Variants in CHL1 observed in about 807,000 individuals in gnomAD.
The protein encoded by CHL1 is cell adhesion molecule L1 like, also known as neural cell adhesion molecule L1-like protein.
A neutral mutation model predicts 141.9 loss-of-function variants in CHL1; 96 were observed. The ratio of observed to expected loss-of-function variants is 0.68; its 90% CI spans 0.57 to 0.80. CHL1 has a LOEUF of 0.80. Among genes scored for constraint, CHL1 ranks in the 30% least tolerant of loss-of-function variants. CHL1 has a pLI of 0.00. For missense variants in CHL1, 1,820 were observed against 1,457.2 expected (o/e 1.25, Z -4.05); for synonymous variants, 613 against 502.2 (o/e 1.22, Z -2.95).
intron 24 of CHL1, among the ~76,000 whole-genome samples, chr3:395,933 G>A (rs191479094): frequency 6.6e-6 from 1 of 152,252 alleles, no homozygotes. Context: ...TCAAGCTTGT[G>A]AGTGACTGTA....
intron 2 of CHL1, among the ~76,000 whole-genome samples, chr3:254,376 C>T (rs1260420606): frequency 1.3e-5 from 2 of 152,202 alleles, no homozygotes; most frequent in African/African-American, 2.4e-5. Context: ...AAGCTAGTGA[C>T]ATGGCCTCTC....
intron 1 of CHL1, among the ~76,000 whole-genome samples, chr3:206,688 A>G (rs1699475170): frequency 6.6e-6 from 1 of 152,184 alleles, no homozygotes; most frequent in Non-Finnish European, 1.5e-5. Context: ...TACAGGGAGG[A>G]GACATTTGTG....
At chr3:379,532 C>G (rs1706765188) in intron 16 of CHL1, among the ~76,000 whole-genome samples, 1 of 152,084 alleles carries the variant, frequency 6.6e-6, no homozygotes. Flanking sequence ...AAGTGTCAGG[C>G]TCCGTGCGCT....
At chr3:348,243 A>G (rs1055579293) in intron 9 of CHL1, among the ~76,000 whole-genome samples, 9 of 152,184 alleles carry the variant, frequency 5.9e-5, no homozygotes, top group African/African-American at 2.2e-4. Flanking sequence ...GACCTTAAGA[A>G]ATTAATTTAT....
intron 8 of CHL1, among the ~76,000 whole-genome samples, chr3:343,890 C>CA (rs546733478): frequency 1.3e-3 from 192 of 152,162 alleles, no homozygotes; most frequent in African/African-American, 4.5e-3. Context: ...AATTATTTTT[C>CA]AAAAAATAAA....
intron 2 of CHL1, among the ~76,000 whole-genome samples, chr3:301,836 G>A (rs1698766066): frequency 6.6e-6 from 1 of 152,148 alleles, no homozygotes; most frequent in South Asian, 2.1e-4. Context: ...ATGCCGTGGT[G>A]GTTTGCTGCA....
chr3:388,477 A>T (rs1385362901), intron 19 of CHL1, among the ~76,000 whole-genome samples: 1 of 150,682 alleles, frequency 6.6e-6, no homozygotes, highest in African/African-American at 2.5e-5. Flanking sequence ...CACCCGGGAG[A>T]TGGAGGTTGC....
intron 1 of CHL1, among the ~76,000 whole-genome samples, chr3:236,458 C>G (rs1691992185): frequency 6.6e-6 from 1 of 152,128 alleles, no homozygotes; most frequent in Non-Finnish European, 1.5e-5. Flanking sequence ...CCATGATGTT[C>G]TTGGACAGTA....
intron 10 of CHL1, among the ~76,000 whole-genome samples, chr3:351,805 G>A (rs1206528293): frequency 6.6e-6 from 1 of 152,058 alleles, no homozygotes; most frequent in African/African-American, 2.4e-5. Flanking sequence ...AAATCAGACT[G>A]CACTTCAAAT....
chr3:380,512 G>T (rs1706902060), intron 16 of CHL1, among the ~76,000 whole-genome samples: 1 of 152,052 alleles, frequency 6.6e-6, no homozygotes, highest in Non-Finnish European at 1.5e-5. Flanking sequence ...TTTTACTGTT[G>T]CTTTATTTTC....
chr3:338,238 A>C (rs1378906166), intron 5 of CHL1, among the ~76,000 whole-genome samples: 3 of 152,240 alleles, frequency 2.0e-5, no homozygotes, highest in Admixed American at 2.0e-4. Context: ...AAACAAAGTT[A>C]AGTGATTTTT....
rs1575283741 is a variant in CHL1, at chr3:394,865, A to G, written c.3087A>G (p.Gly1029=). Residue 1029 remains glycine, a synonymous_variant, in exon 24 of 28, where the codon GGA becomes GGG. Transcript: ENST00000256509. The part of the protein sequence containing the change: ...KPITEESSTL[G]EGSKGIGKIS... ...TCACGGAGGAAAGCTCCACCTTAGG[A>G]GAAGGGAGTAAGTACATGAGGCTTC... 4 of 1,610,064 alleles carry G rather than the reference A, an allele frequency of 2.5e-6. No individual in the cohort carries two copies. The East Asian group carries it at 8.9e-5, about 36-fold the overall frequency.
At chr3:204,205 C>T (rs977526157) in intron 1 of CHL1, among the ~76,000 whole-genome samples, 7 of 152,274 alleles carry the variant, frequency 4.6e-5, no homozygotes, top group Non-Finnish European at 1.0e-4. Context: ...AGATGTATTC[C>T]AGCTTCTATG....
intron 2 of CHL1, chr3:247,668 A>C (rs1693297576): frequency 6.6e-6 from 1 of 152,006 alleles, no homozygotes; most frequent in Non-Finnish European, 1.5e-5. Context: ...TTTACACTTA[A>C]ACATGGTTAC....
intron 15 of CHL1, 126 bp from the exon 16 acceptor site, chr3:377,692 C>T: frequency 1.3e-6 from 1 of 752,196 alleles, no homozygotes; most frequent in Non-Finnish European, 2.1e-6. Flanking sequence ...ATCAAATTTG[C>T]ATTGCATAAA....
In CHL1 at chr3:302,649, C is replaced by G. The variant is rs375471654; in HGVS notation, c.-94-17034C>G. 2.0e-5 allele frequency among the ~76,000 whole-genome samples: 3 copies of G among 152,110 alleles called. No individual in the cohort carries two copies. In the East Asian group the frequency reaches 5.8e-4, roughly 29 times the overall value. On this transcript the variant is annotated intron_variant, in intron 2 of 27. Transcript: ENST00000256509. Reference sequence around the variant, plus strand: ...TCTTTGTAGATTCTGGATAGGTCTTCGTCAGATGGATAAATTGCAAAAATT... The same window carrying G: ...TCTTTGTAGATTCTGGATAGGTCTTGGTCAGATGGATAAATTGCAAAAATT...
intron 2 of CHL1, among the ~76,000 whole-genome samples, chr3:287,038 C>T: frequency 6.6e-6 from 1 of 152,114 alleles, no homozygotes; most frequent in Admixed American, 6.6e-5. Context: ...CCTCCTATCT[C>T]ATCCTCTGAC....
At position 222,275 on chromosome 3, in the gene CHL1, C is replaced by CT. The variant is rs766914499; in HGVS notation, c.-174-22330dup. Reference sequence around the variant, plus strand: ...TCTAGGGGAGAATCTGTTTACTTGCCTTTTTTTTAGCTTCTAGAGGCCACT... The same window carrying CT: ...TCTAGGGGAGAATCTGTTTACTTGCCTTTTTTTTTAGCTTCTAGAGGCCACT... On this transcript the variant is annotated intron_variant, in intron 1 of 27. Coordinates refer to ENST00000256509, the MANE Select transcript of CHL1 (RefSeq NM_006614.4). 1.8e-3 allele frequency among the ~76,000 whole-genome samples: 277 copies of CT among 152,004 alleles called. 4 individuals are homozygous for CT. The Middle Eastern group carries it at 0.034, about 19-fold the overall frequency.
intron 15 of CHL1, among the ~76,000 whole-genome samples, chr3:368,062 G>A (rs778142068): frequency 6.6e-6 from 1 of 152,092 alleles, no homozygotes; most frequent in Admixed American, 6.5e-5. Context: ...AAACATATAT[G>A]TGTATGTGTC....
Sources: allele counts gnomAD v4.1 joint callset (sites outside exome capture counted in the v4.1 genomes callset), GRCh38; gene constraint gnomAD v4.1.1; transcripts MANE v1.5; gene names NCBI Gene and HGNC (gene_info 2026-07-23, HGNC 2026-07-21).